The following OLA1 variants were observed in gnomAD, a reference collection of about 807,000 sequenced individuals.
OLA1 encodes Obg like ATPase 1, also known as obg-like ATPase 1.
Under a neutral mutation model 48.4 loss-of-function variants are expected in OLA1, and 14 were observed. That is an observed-to-expected ratio of 0.29 (90% CI 0.19 to 0.45). The LOEUF (loss-of-function observed/expected upper bound fraction) is 0.45. Ranked by LOEUF, OLA1 falls within the 20% of genes least tolerant of loss-of-function variation. The pLI, the probability that OLA1 is intolerant of heterozygous loss-of-function variation, is 1.00. For synonymous variants in OLA1, 127 were observed against 150.4 expected (o/e 0.84, Z 1.14); for missense variants, 325 against 467.1 (o/e 0.70, Z 2.80).
At chr2:174,181,261 G>C (rs533746341) in intron 4 of OLA1, among the ~76,000 whole-genome samples, 15 of 152,282 alleles carry the variant, frequency 9.9e-5, no homozygotes, top group South Asian at 4.1e-4. Flanking sequence ...AACTTCACTG[G>C]AGTAGGTTTT....
intron 2 of OLA1, among the ~76,000 whole-genome samples, chr2:174,241,852 T>C (rs983447148): frequency 2.6e-5 from 4 of 152,168 alleles, no homozygotes; most frequent in African/African-American, 9.6e-5. Flanking sequence ...GCCAGCCTGT[T>C]CTCAAACTCC....
chr2:174,176,632 G>A (rs779965141), intron 4 of OLA1, among the ~76,000 whole-genome samples: 2 of 152,048 alleles, frequency 1.3e-5, no homozygotes, highest in African/African-American at 2.4e-5. Flanking sequence ...CTGTGCTTAT[G>A]CAAGAAGGCT....
intron 7 of OLA1, among the ~76,000 whole-genome samples, chr2:174,106,115 T>C (rs1160872985): frequency 6.6e-6 from 1 of 152,092 alleles, no homozygotes; most frequent in Non-Finnish European, 1.5e-5. Context: ...AATCTAGTAG[T>C]TATAGTGTTT....
chr2:174,165,996 G>A (rs555886004), intron 4 of OLA1, among the ~76,000 whole-genome samples: 1 of 152,096 alleles, frequency 6.6e-6, no homozygotes, highest in African/African-American at 2.4e-5. Context: ...ATGGTGGCAT[G>A]TGCCTGTAGT....
chr2:174,156,021 A>T (rs1686869039), intron 4 of OLA1, among the ~76,000 whole-genome samples: 1 of 152,212 alleles, frequency 6.6e-6, no homozygotes, highest in Admixed American at 6.5e-5. Flanking sequence ...AATGTACACA[A>T]TAACAGTACC....
intron 4 of OLA1, among the ~76,000 whole-genome samples, chr2:174,174,966 C>T (rs1304995612): frequency 6.6e-6 from 1 of 151,946 alleles, no homozygotes; most frequent in African/African-American, 2.4e-5. Context: ...TGCACTTGAC[C>T]TCCTAAACAG....
chr2:174,090,454 G>A (rs1031691429), intron 7 of OLA1, among the ~76,000 whole-genome samples: 2 of 152,350 alleles, frequency 1.3e-5, no homozygotes, highest in South Asian at 2.1e-4. Flanking sequence ...GTTAATCATA[G>A]TTCCCCATTC....
At chr2:174,238,228 G>C (rs999410067) in intron 2 of OLA1, among the ~76,000 whole-genome samples, 9 of 152,168 alleles carry the variant, frequency 5.9e-5, no homozygotes, top group African/African-American at 2.2e-4. Context: ...AGCCACGGTG[G>C]CTCATACCTG....
chr2:174,219,639 A>G (rs1197031493), intron 4 of OLA1, among the ~76,000 whole-genome samples: 1 of 151,998 alleles, frequency 6.6e-6, no homozygotes, highest in Non-Finnish European at 1.5e-5. Context: ...CATGTTGCCC[A>G]GACTGGTCTT....
intron 7 of OLA1, among the ~76,000 whole-genome samples, chr2:174,087,072 G>A (rs1684998901): frequency 6.6e-6 from 1 of 151,186 alleles, no homozygotes; most frequent in Admixed American, 6.6e-5. Context: ...CTGTCGCCAG[G>A]CTGGAGTGCA....
At chr2:174,096,490 T>A (rs1430554566) in intron 7 of OLA1, among the ~76,000 whole-genome samples, 1 of 152,126 alleles carries the variant, frequency 6.6e-6, no homozygotes, top group Non-Finnish European at 1.5e-5. Context: ...AAAACAGAAA[T>A]GCTAATATTC....
chr2:174,124,643 G>C (rs1558965339), intron 5 of OLA1, among the ~76,000 whole-genome samples: 1 of 152,124 alleles, frequency 6.6e-6, no homozygotes, highest in Admixed American at 6.5e-5. Flanking sequence ...AGTCATCTGG[G>C]TGTCTGTTGT....
intron 4 of OLA1, among the ~76,000 whole-genome samples, chr2:174,151,714 G>A (rs1310587504): frequency 6.6e-6 from 1 of 152,192 alleles, no homozygotes; most frequent in African/African-American, 2.4e-5. Flanking sequence ...AATATTTCAA[G>A]AGAAGGGAGA....
At chr2:174,203,483 A>G (rs114431319) in intron 4 of OLA1, among the ~76,000 whole-genome samples, 3,743 of 81,522 alleles carry the variant, frequency 0.046, 149 homozygotes, top group African/African-American at 0.14. Context: ...TTTTTTTTTT[A>G]AGAGATGGGG....
At chr2:174,123,749 C>A in intron 5 of OLA1, 74 bp from the exon 6 acceptor site, 1 of 663,882 alleles carries the variant, frequency 1.5e-6, no homozygotes, top group South Asian at 3.4e-5. Flanking sequence ...AAAAAGTTTT[C>A]AAATTTTCAA....
intron 4 of OLA1, among the ~76,000 whole-genome samples, chr2:174,149,663 T>C (rs1004866414): frequency 6.6e-6 from 1 of 152,234 alleles, no homozygotes; most frequent in African/African-American, 2.4e-5. Flanking sequence ...TACATTTGAC[T>C]ATTCCTGTGG....
chr2:174,229,374 T>C lies in OLA1; in HGVS notation c.179A>G (p.Asn60Ser). 6.2e-7 allele frequency: 1 copy of C among 1,613,386 alleles called. No individual in the cohort carries two copies. Among genetic ancestry groups the C allele is most frequent in the Non-Finnish European group, 8.5e-7 (1 of 1,179,786 alleles). ...ATCTGGCACAGGTACTCTGCTCTCA[T>C]TAGGATCAATAGTGCAGAACGGGAA... The part of the protein sequence containing the change: ...ENFPFCTIDP[N>S]ESRVPVPDER... The change falls in exon 3 of 11, where the codon AAT becomes AGT. Residue 60 changes from asparagine (N) to serine (S), a missense_variant. Transcript: ENST00000284719.
chr2:174,090,803 G>A (rs900252613), intron 7 of OLA1, among the ~76,000 whole-genome samples: 2 of 152,190 alleles, frequency 1.3e-5, no homozygotes, highest in South Asian at 2.1e-4. Flanking sequence ...AAGGCATCCC[G>A]ATACTGATAA....
At chr2:174,135,664 T>C (rs1159522815) in intron 5 of OLA1, among the ~76,000 whole-genome samples, 2 of 152,166 alleles carry the variant, frequency 1.3e-5, no homozygotes, top group Non-Finnish European at 1.5e-5. Context: ...GACTGAGAGT[T>C]CAGCCTTACC....
Sources: allele counts gnomAD v4.1 joint callset (sites outside exome capture counted in the v4.1 genomes callset), GRCh38; gene constraint gnomAD v4.1.1; transcripts MANE v1.5; gene names NCBI Gene and HGNC (gene_info 2026-07-23, HGNC 2026-07-21).